Variants in ARHGAP40 observed in about 807,000 individuals in gnomAD.
ARHGAP40 encodes rho GTPase-activating protein 40.
A neutral mutation model predicts 73.5 loss-of-function variants in ARHGAP40; 43 were observed. The observed-to-expected ratio is 0.58, with a 90% CI of 0.46 to 0.75. The LOEUF is 0.75. ARHGAP40 is among the 30% of genes least tolerant of loss of function. The pLI is 0.00. For missense variants in ARHGAP40, 734 were observed against 861.8 expected (o/e 0.85, Z 1.86); for synonymous variants, 300 against 352.8 (o/e 0.85, Z 1.68).
chr20:38,609,671 C>T (rs149828514), intron 1 of ARHGAP40, among the ~76,000 whole-genome samples: 1 of 152,294 alleles, frequency 6.6e-6, no homozygotes, highest in East Asian at 1.9e-4. Flanking sequence ...AGCTGAGTCC[C>T]AAAGTAGGCA....
At position 38,602,057 on chromosome 20, in the gene ARHGAP40, C is replaced by A; in HGVS notation, c.115C>A (p.Arg39Ser). The A allele has an allele frequency of 1.6e-6, 2 of 1,286,404 alleles. No homozygotes were observed. Among genetic ancestry groups the A allele is most frequent in the Non-Finnish European group, 2.0e-6 (2 of 987,616 alleles). The allele number at this position is 1,286,404 out of a possible 1,614,324, so 79.7% of individuals were successfully genotyped here. The change falls in exon 1 of 15, where the codon CGC becomes AGC. Residue 39 changes from arginine to serine, a missense_variant. Coordinates refer to ENST00000373345, the Ensembl canonical transcript of ARHGAP40. ...CCGCATTGCCAGGCGCTGCGCCCAG[C>A]GCTGGGCCGACCTGGGCTGCAGGTA...
rs6070872 is a variant in ARHGAP40 at position 38,643,738 on chromosome 20, G to A, written c.1397G>A (p.Arg466Gln). 120 of 1,305,824 alleles carry A rather than the reference G, an allele frequency of 9.2e-5. 1 individual carries two copies. The highest frequency in any genetic ancestry group is 9.9e-5 in the South Asian group (8 of 81,016). The allele number at this position is 1,305,824 out of a possible 1,614,324, so 80.9% of individuals were successfully genotyped here. ...GAATTCCTCAGGAAGGTGGTGGCCC[G>A]GGAACAGCACAACAAGATGACTCTG... The change falls in exon 11 of 15, where the codon CGG (arginine) becomes CAG (glutamine). Residue 466 changes from arginine (R) to glutamine (Q), a missense_variant. Arg to Gln is a conservative substitution (Grantham distance 43). Transcript: ENST00000373345.
At chr20:38,625,924 T>C (rs1231153937) in intron 2 of ARHGAP40, among the ~76,000 whole-genome samples, 1 of 152,158 alleles carries the variant, frequency 6.6e-6, no homozygotes, top group Non-Finnish European at 1.5e-5. Context: ...ACAGGGACAA[T>C]TAGATACAGA....
At chr20:38,611,118 G>A (rs2088802409) in intron 1 of ARHGAP40, among the ~76,000 whole-genome samples, 1 of 152,066 alleles carries the variant, frequency 6.6e-6, no homozygotes, top group African/African-American at 2.4e-5. Flanking sequence ...TCGAACTCCT[G>A]GTCTCAAGTG....
intron 5 of ARHGAP40, among the ~76,000 whole-genome samples, chr20:38,632,790 A>G (rs916183614): frequency 2.0e-5 from 3 of 151,948 alleles, no homozygotes; most frequent in Admixed American, 2.0e-4. Flanking sequence ...AGCCTGGGCA[A>G]CATAGCAAGA....
intron 5 of ARHGAP40, among the ~76,000 whole-genome samples, chr20:38,630,037 CT>C (rs1241144879): frequency 3.3e-5 from 5 of 151,298 alleles, no homozygotes; most frequent in African/African-American, 1.2e-4. Flanking sequence ...CCCTCCCTCC[CT>C]TCCCTCCTCC....
chr20:38,642,696 T>C lies in ARHGAP40; in HGVS notation c.1362+888T>C, dbSNP rs982519932. On this transcript the variant is annotated intron_variant, in intron 10 of 14. Transcript: ENST00000373345. Reference sequence around the variant, plus strand: ...TTATTCTCATTCGTCCATCTATTAATCTTTTCTTTCTCCATTCATCCATCC... The same window carrying C: ...TTATTCTCATTCGTCCATCTATTAACCTTTTCTTTCTCCATTCATCCATCC... Among the ~76,000 whole-genome samples the C allele has an allele frequency of 6.0e-5, 9 of 149,294 alleles. No individual in the cohort carries two copies. In the East Asian group the frequency reaches 1.9e-3, roughly 31 times the overall value.
intron 8 of ARHGAP40, 44 bp from the exon 9 acceptor site, chr20:38,639,183 A>C: frequency 7.7e-7 from 1 of 1,297,524 alleles, no homozygotes; most frequent in Non-Finnish European, 1.0e-6. Flanking sequence ...GACTTCTACC[A>C]GAGCCCTGGG....
chr20:38,619,797 T>G (rs1399594796), intron 1 of ARHGAP40, among the ~76,000 whole-genome samples: 1 of 151,702 alleles, frequency 6.6e-6, no homozygotes, highest in Non-Finnish European at 1.5e-5. Context: ...TGTATTAAAC[T>G]GAGGTTTGGC....
At chr20:38,626,794 C>T (rs2088900721) in intron 2 of ARHGAP40, among the ~76,000 whole-genome samples, 1 of 152,132 alleles carries the variant, frequency 6.6e-6, no homozygotes. Context: ...TATCAGTACC[C>T]CCCACCCCGC....
intron 2 of ARHGAP40, among the ~76,000 whole-genome samples, chr20:38,624,837 G>A (rs2088890906): frequency 6.6e-6 from 1 of 152,204 alleles, no homozygotes; most frequent in Non-Finnish European, 1.5e-5. Flanking sequence ...CTGCAGCAAT[G>A]ATCACTGCCT....
At chr20:38,614,448 C>T (rs915147609) in intron 1 of ARHGAP40, among the ~76,000 whole-genome samples, 1 of 152,080 alleles carries the variant, frequency 6.6e-6, no homozygotes, top group African/African-American at 2.4e-5. Context: ...CACCATCTAC[C>T]ATCCTTCTCT....
intron 8 of ARHGAP40, 39 bp downstream of exon 8, chr20:38,638,877 T>A: frequency 7.7e-7 from 1 of 1,290,504 alleles, no homozygotes; most frequent in Non-Finnish European, 1.0e-6. Flanking sequence ...AGGCTGCATC[T>A]CCCCCATGCT....
chr20:38,609,879 C>T (rs917935148), intron 1 of ARHGAP40, among the ~76,000 whole-genome samples: 1 of 152,246 alleles, frequency 6.6e-6, no homozygotes, highest in Non-Finnish European at 1.5e-5. Context: ...ACCCCAGGGC[C>T]AGGAGACCTG....
intron 11 of ARHGAP40, among the ~76,000 whole-genome samples, chr20:38,645,016 T>C (rs1245224605): frequency 1.3e-5 from 2 of 152,200 alleles, no homozygotes; most frequent in Non-Finnish European, 2.9e-5. Flanking sequence ...GTTCCCACTT[T>C]TCTTCCTACC....
intron 1 of ARHGAP40, among the ~76,000 whole-genome samples, chr20:38,605,162 C>T (rs2088763857): frequency 6.6e-6 from 1 of 152,132 alleles, no homozygotes; most frequent in Non-Finnish European, 1.5e-5. Flanking sequence ...TTCTGTTTAC[C>T]CACAGCTCTC....
At chr20:38,605,407 A>T (rs952195526) in intron 1 of ARHGAP40, among the ~76,000 whole-genome samples, 1 of 152,192 alleles carries the variant, frequency 6.6e-6, no homozygotes, top group Non-Finnish European at 1.5e-5. Flanking sequence ...AGGGATGAAT[A>T]GAGTCAATGT....
At chr20:38,637,735 A>T in exon 7 of ARHGAP40, 10 of 1,305,206 alleles carry the variant, frequency 7.7e-6, no homozygotes, top group South Asian at 1.2e-5. Flanking sequence ...GTGCCCCTTG[A>T]CAGCCTGCTA....
intron 1 of ARHGAP40, among the ~76,000 whole-genome samples, chr20:38,622,044 A>G (rs1427954003): frequency 3.3e-5 from 5 of 151,688 alleles, no homozygotes; most frequent in African/African-American, 1.2e-4. Context: ...ATAGAACCAG[A>G]CCTTGCCTCA....
Sources: gnomAD v4.1 joint callset for allele counts (sites outside exome capture counted in the v4.1 genomes callset) on GRCh38, gnomAD v4.1.1 for gene constraint, MANE v1.5 for transcripts, NCBI Gene and HGNC (gene_info 2026-07-23, HGNC 2026-07-21) for gene names.